Variants in NRXN1 observed in about 807,000 individuals in gnomAD.
NRXN1 encodes neurexin-1.
Under a neutral mutation model 150.9 loss-of-function variants are expected in NRXN1, and 39 were observed. The ratio of observed to expected loss-of-function variants is 0.26; its 90% CI spans 0.20 to 0.34. The LOEUF (loss-of-function observed/expected upper bound fraction) is 0.34. Ranked by LOEUF, NRXN1 falls within the 10% of genes least tolerant of loss-of-function variation. NRXN1 has a pLI of 1.00. For missense variants in NRXN1, 1,815 were observed against 1,949.9 expected, an observed-to-expected ratio of 0.93 and a Z score of 1.30; for synonymous variants, 924 against 757.0, an observed-to-expected ratio of 1.22 and a Z score of -3.62.
At chr2:50,793,981 A>G (rs1455767514) in intron 5 of NRXN1, among the ~76,000 whole-genome samples, 1 of 152,034 alleles carries the variant, frequency 6.6e-6, no homozygotes, top group Non-Finnish European at 1.5e-5. Flanking sequence ...GTTTGTTACA[A>G]GTGGAGTGGT....
intron 5 of NRXN1, among the ~76,000 whole-genome samples, chr2:50,872,378 A>G (rs1399208311): frequency 2.6e-5 from 4 of 151,694 alleles, no homozygotes. Context: ...CTGAGGGTTG[A>G]GGAGTGTGGA....
chr2:50,008,004 G>C (rs1685052674), intron 21 of NRXN1, among the ~76,000 whole-genome samples: 1 of 152,102 alleles, frequency 6.6e-6, no homozygotes. Context: ...TATGAAATTT[G>C]GATGCTGAAT....
At chr2:50,504,443 G>C (rs2092118954) in intron 13 of NRXN1, among the ~76,000 whole-genome samples, 2 of 152,174 alleles carry the variant, frequency 1.3e-5, no homozygotes. Context: ...GAGACAGTGA[G>C]AGAGCACAAA....
At chr2:50,835,664 T>A (rs1355205487) in intron 5 of NRXN1, among the ~76,000 whole-genome samples, 1 of 152,198 alleles carries the variant, frequency 6.6e-6, no homozygotes, top group Non-Finnish European at 1.5e-5. Context: ...TAATCCTAAA[T>A]GAATAATAAT....
intron 18 of NRXN1, among the ~76,000 whole-genome samples, chr2:50,220,617 A>G (rs13383921): frequency 0.023 from 3,430 of 152,132 alleles, 87 homozygotes; most frequent in Non-Finnish European, 0.031. Context: ...ACAATTTTCA[A>G]TATCTGTACA....
At chr2:50,577,174 T>A (rs1573617496) in intron 8 of NRXN1, among the ~76,000 whole-genome samples, 1 of 152,132 alleles carries the variant, frequency 6.6e-6, no homozygotes, top group South Asian at 2.1e-4. Flanking sequence ...GAATAAGTAA[T>A]GTAAGCTGAG....
chr2:50,112,058 A>G (rs2152726018), intron 18 of NRXN1, among the ~76,000 whole-genome samples: 1 of 152,150 alleles, frequency 6.6e-6, no homozygotes, highest in East Asian at 1.9e-4. Context: ...TCACTAGTTG[A>G]TGATCTCAGC....
chr2:50,435,900 G>A (rs764616024), intron 17 of NRXN1, among the ~76,000 whole-genome samples: 4 of 151,886 alleles, frequency 2.6e-5, no homozygotes, highest in Non-Finnish European at 5.9e-5. Context: ...CCAAAACCCC[G>A]TGACACACAA....
intron 2 of NRXN1, among the ~76,000 whole-genome samples, chr2:51,001,921 A>G (rs1700128209): frequency 6.6e-6 from 1 of 151,904 alleles, no homozygotes; most frequent in Admixed American, 6.6e-5. Context: ...GGTGAAAGAT[A>G]CCCTCCCTAT....
At position 49,978,223 on chromosome 2, in the gene NRXN1, A is replaced by G. The variant is rs139021503; in HGVS notation, c.4129-34432T>C. ...GGAGGACTAGCTGAGGAAATATATA[A>G]AGGAGAGGAAACTTCTGTAACTCTC... On this transcript the variant is annotated intron_variant, in intron 21 of 22. Coordinates refer to ENST00000401669, the MANE Select transcript of NRXN1 (RefSeq NM_001330078.2). Among the ~76,000 whole-genome samples, 17 of 152,240 alleles carry G rather than the reference A, an allele frequency of 1.1e-4. No individual in the cohort carries two copies. The East Asian group carries it at 3.3e-3, about 29-fold the overall frequency.
chr2:50,780,068 C>A (rs984490906), intron 5 of NRXN1, among the ~76,000 whole-genome samples: 1 of 152,070 alleles, frequency 6.6e-6, no homozygotes. Flanking sequence ...TTCTAACTGG[C>A]GTGAGATGGT....
At chr2:50,395,808 T>C (rs1160778019) in intron 17 of NRXN1, among the ~76,000 whole-genome samples, 2 of 152,106 alleles carry the variant, frequency 1.3e-5, no homozygotes, top group African/African-American at 4.8e-5. Flanking sequence ...AGCTGTTAAG[T>C]GGAGGTGAAA....
chr2:50,396,454 A>G (rs1319758110), intron 17 of NRXN1, among the ~76,000 whole-genome samples: 3 of 152,196 alleles, frequency 2.0e-5, no homozygotes, highest in African/African-American at 4.8e-5. Flanking sequence ...TTCCTGCTAC[A>G]AAGCAAATAT....
At chr2:50,555,701 A>C (rs1186923034) in intron 8 of NRXN1, among the ~76,000 whole-genome samples, 1 of 152,194 alleles carries the variant, frequency 6.6e-6, no homozygotes, top group East Asian at 1.9e-4. Flanking sequence ...GGCTTTTGTA[A>C]ATAACAATAT....
intron 5 of NRXN1, among the ~76,000 whole-genome samples, chr2:50,801,491 T>C (rs1232690312): frequency 2.0e-5 from 3 of 152,126 alleles, no homozygotes; most frequent in Non-Finnish European, 4.4e-5. Flanking sequence ...GTGGATATAA[T>C]AAGGTCTAAA....
chr2:51,026,452 G>T lies in NRXN1; in HGVS notation c.772+1050C>A, dbSNP rs367919055. ...TGTAACAGCACCGGCAAAACACACT[G>T]AAGACCGAATTTTATTTCTAAAGAG... is the stretch of plus-strand genomic sequence containing the variant. On this transcript the variant is annotated intron_variant, in intron 2 of 22. Transcript: ENST00000401669. 30 of 1,602,198 alleles carry T rather than the reference G, an allele frequency of 1.9e-5. No individual in the cohort carries two copies. The Middle Eastern group carries it at 6.6e-4, about 35-fold the overall frequency.
intron 18 of NRXN1, among the ~76,000 whole-genome samples, chr2:50,228,385 G>A (rs894123982): frequency 2.0e-5 from 3 of 152,020 alleles, no homozygotes; most frequent in Admixed American, 1.3e-4. Context: ...AAACTGATTA[G>A]ATTGTAAAGG....
At chr2:50,299,405 GT>G (rs1300667313) in intron 17 of NRXN1, among the ~76,000 whole-genome samples, 3 of 139,194 alleles carry the variant, frequency 2.2e-5, no homozygotes, top group African/African-American at 7.8e-5. Flanking sequence ...CCTGGTCATT[GT>G]CCAATTTTTT....
chr2:50,614,082 G>T (rs566819066), intron 8 of NRXN1, among the ~76,000 whole-genome samples: 34 of 152,264 alleles, frequency 2.2e-4, no homozygotes, highest in African/African-American at 7.9e-4. Flanking sequence ...GAGGGATGAG[G>T]CATATGGGAA....
Sources: allele counts gnomAD v4.1 joint callset (sites outside exome capture counted in the v4.1 genomes callset), GRCh38; gene constraint gnomAD v4.1.1; transcripts MANE v1.5; gene names NCBI Gene and HGNC (gene_info 2026-07-23, HGNC 2026-07-21).